ANAPC16: variants seen among roughly 807,000 people sequenced by gnomAD.
ANAPC16 encodes the protein anaphase-promoting complex subunit 16.
In ANAPC16, 6 loss-of-function variants were observed where a neutral mutation model predicts 13.1. The ratio of observed to expected loss-of-function variants is 0.46; its 90% confidence interval spans 0.25 to 0.90. ANAPC16 has a LOEUF of 0.90. Among genes scored for constraint, ANAPC16 ranks in the 40% least tolerant of loss-of-function variants. ANAPC16 has a pLI of 0.18. For missense variants in ANAPC16, 113 were observed against 131.1 expected (o/e 0.86, Z 0.67); for synonymous variants, 55 against 51.3 (o/e 1.07, Z -0.31).
chr10:72,229,664 G>A (rs1029834976), intron 2 of ANAPC16, among the ~76,000 whole-genome samples: 1 of 152,154 alleles, frequency 6.6e-6, no homozygotes, highest in Admixed American at 6.6e-5. Context: ...GCCTGACAAG[G>A]AATAACATGA....
At chr10:72,221,545 T>G (rs1430700879) in intron 1 of ANAPC16, among the ~76,000 whole-genome samples, 1 of 145,944 alleles carries the variant, frequency 6.9e-6, no homozygotes, top group Non-Finnish European at 1.5e-5. Context: ...ATTTTTTCTT[T>G]TCTTTTTTTT....
chr10:72,223,202 A>C (rs1860008644), intron 1 of ANAPC16: 1 of 142,344 alleles, frequency 7.0e-6, no homozygotes, highest in Non-Finnish European at 1.5e-5. Context: ...AGCTGGGATG[A>C]GAGGCGTCCA....
intron 2 of ANAPC16, among the ~76,000 whole-genome samples, chr10:72,228,085 A>G (rs1016371192): frequency 2.0e-5 from 3 of 152,046 alleles, no homozygotes; most frequent in East Asian, 1.9e-4. Flanking sequence ...TGTCAAGAGT[A>G]AGGAACAAAA....
chr10:72,230,236 C>G (rs374464766), intron 2 of ANAPC16, 130 bp from the exon 3 acceptor site: 1 of 621,034 alleles, frequency 1.6e-6, no homozygotes. Flanking sequence ...AAGCAGAACC[C>G]GTCTTTGTAA....
At chr10:72,217,134 G>A (rs1042176380) in intron 1 of ANAPC16, 14 of 443,388 alleles carry the variant, frequency 3.2e-5, no homozygotes, top group Non-Finnish European at 5.4e-5. Flanking sequence ...AGGGTAGAAA[G>A]ACTTTTCGAA....
Position 72,234,672 on chromosome 10 carries a change from T to C in ANAPC16, c.*1556T>C, listed in dbSNP as rs921687400. 1 of 152,228 alleles carries C rather than the reference T, an allele frequency of 6.6e-6. No individual in the cohort carries two copies. Among genetic ancestry groups the C allele is most frequent in the African/African-American group, 2.4e-5 (1 of 41,470 alleles). The allele number at this position is 152,228 out of a possible 1,614,324, so 9.4% of individuals were successfully genotyped here. On this transcript the variant is annotated 3_prime_UTR_variant, in exon 4 of 4. Coordinates refer to ENST00000299381, the MANE Select transcript of ANAPC16 (RefSeq NM_173473.4). The stretch of plus-strand genomic sequence containing the variant: ...TAATCCCAGTAGCATTTAGCCTTAA[T>C]CTCAAGAGTTCAAAATGTTTAACAC...
intron 1 of ANAPC16, among the ~76,000 whole-genome samples, chr10:72,217,573 G>C (rs1165164145): frequency 6.6e-6 from 1 of 151,912 alleles, no homozygotes; most frequent in Non-Finnish European, 1.5e-5. Context: ...GACTCTGTTA[G>C]ATGGAGAGAA....
chr10:72,233,026 A>AG lies in ANAPC16; in HGVS notation c.243_244insG (p.Leu82AlafsTer11), dbSNP rs780751422. 1 of 1,614,144 alleles carries AG rather than the reference A, an allele frequency of 6.2e-7. No individual in the cohort carries two copies. Among genetic ancestry groups the AG allele is most frequent in the Non-Finnish European group, 8.5e-7 (1 of 1,180,014 alleles). On this transcript the variant is annotated frameshift_variant, in exon 4 of 4. Coordinates refer to ENST00000299381, the MANE Select transcript of ANAPC16 (RefSeq NM_173473.4). LOFTEE classifies it high-confidence loss of function. ...ATCAGCAAGTTGCTCGGATGGAAAA[A>AG]CTAGCTGGTTTGGTAGAAGAGCTGG...
chr10:72,218,885 T>G (rs1054722616), intron 1 of ANAPC16, among the ~76,000 whole-genome samples: 1 of 152,196 alleles, frequency 6.6e-6, no homozygotes, highest in Non-Finnish European at 1.5e-5. Context: ...CTGTTTTGTG[T>G]GTGGAACGAT....
At chr10:72,228,455 C>T (rs1327815173) in intron 2 of ANAPC16, among the ~76,000 whole-genome samples, 3 of 152,122 alleles carry the variant, frequency 2.0e-5, no homozygotes, top group African/African-American at 7.2e-5. Context: ...GTATTTGTTA[C>T]CATCCTTATT....
chr10:72,231,037 G>A (rs912556895), intron 3 of ANAPC16, among the ~76,000 whole-genome samples: 4 of 152,154 alleles, frequency 2.6e-5, no homozygotes, highest in Non-Finnish European at 1.5e-5. Flanking sequence ...CTCCTGGTCT[G>A]TCTATACTCT....
In ANAPC16 at chr10:72,234,518, T is replaced by G. The variant is rs1352652515; in HGVS notation, c.*1402T>G. 2.0e-5 allele frequency: 3 copies of G among 152,180 alleles called. No individual in the cohort carries two copies. The highest frequency in any genetic ancestry group is 4.1e-4 in the South Asian group (2 of 4,832). The allele number at this position is 152,180 out of a possible 1,614,324, so 9.4% of individuals were successfully genotyped here. The stretch of plus-strand genomic sequence containing the variant: ...TGTTTTCCTTCATGGGACCCCACTT[T>G]CCACAGTAAACAACTGGTATAATCA... On this transcript the variant is annotated 3_prime_UTR_variant, in exon 4 of 4. Transcript: ENST00000299381.
At chr10:72,226,286 TATG>T (rs936165461) in intron 2 of ANAPC16, among the ~76,000 whole-genome samples, 6 of 152,092 alleles carry the variant, frequency 3.9e-5, no homozygotes, top group Admixed American at 3.9e-4. Flanking sequence ...CCCAAAGTGC[TATG>T]ATTACAGGCA....
rs73276925 is a variant in ANAPC16, at chr10:72,223,666, A to G, written c.-27-222A>G. ...AACAGTTCGCTAATGGTAGGAATTC[A>G]TGTTTTAAGTAGATATACTATTCTT... On this transcript the variant is annotated intron_variant, in intron 1 of 3. Transcript: ENST00000299381. 254 of 342,258 alleles carry G rather than the reference A, an allele frequency of 7.4e-4. 1 individual carries two copies. The highest frequency in any genetic ancestry group is 5.1e-3 in the African/African-American group (242 of 47,548). 21.2% of individuals were successfully genotyped at this position (342,258 alleles called of 1,614,324 possible).
chr10:72,221,361 A>C (rs901455543), intron 1 of ANAPC16, among the ~76,000 whole-genome samples: 56 of 152,116 alleles, frequency 3.7e-4, no homozygotes, highest in Non-Finnish European at 6.0e-4. Flanking sequence ...CAATAGCCAC[A>C]TGTGGCTACT....
chr10:72,227,113 A>G (rs1463015476), intron 2 of ANAPC16, among the ~76,000 whole-genome samples: 1 of 152,252 alleles, frequency 6.6e-6, no homozygotes, highest in Admixed American at 6.5e-5. Context: ...TGAGTTTTAT[A>G]GCAGCAGAAG....
chr10:72,223,936 T>G lies in ANAPC16; in HGVS notation c.22T>G (p.Ser8Ala), dbSNP rs768147266. MAASSSS[S>A]SAGGVSGSSV... is the part of the protein sequence containing the mutation. The stretch of plus-strand genomic sequence containing the variant: ...GGAAATGGCTGCTTCATCATCATCC[T>G]CCTCAGCTGGTGGGGTCAGTGGAAG... Residue 8 changes from serine (S) to alanine (A), a missense_variant, in exon 2 of 4, where the codon TCC becomes GCC. Ser to Ala is a moderately conservative substitution (Grantham distance 99). Coordinates refer to ENST00000299381, the MANE Select transcript of ANAPC16 (RefSeq NM_173473.4). 1 of 1,606,726 alleles carries G rather than the reference T, an allele frequency of 6.2e-7. No homozygotes were observed. Among genetic ancestry groups the G allele is most frequent in the South Asian group, 1.1e-5 (1 of 90,632 alleles).
Position 72,233,351 on chromosome 10 carries a change from A to T in ANAPC16, c.*235A>T. On this transcript the variant is annotated 3_prime_UTR_variant, in exon 4 of 4. Coordinates refer to ENST00000299381, the MANE Select transcript of ANAPC16 (RefSeq NM_173473.4). ...TATTGGGAATCAGATTAAGACAATC[A>T]GTTTCAGAGAACCAGGAGGTTTGGG... The T allele has an allele frequency of 4.7e-6, 2 of 428,280 alleles. No homozygotes were observed. The highest frequency in any genetic ancestry group is 8.5e-6 in the Non-Finnish European group (2 of 235,044). 26.5% of individuals were successfully genotyped at this position (428,280 alleles called of 1,614,324 possible).
chr10:72,226,452 T>C (rs1307754942), intron 2 of ANAPC16, among the ~76,000 whole-genome samples: 1 of 152,012 alleles, frequency 6.6e-6, no homozygotes, highest in African/African-American at 2.4e-5. Flanking sequence ...GGCAGGCAGA[T>C]TGCTTGAACC....
Sources: gnomAD v4.1 joint callset for allele counts (sites outside exome capture counted in the v4.1 genomes callset) on GRCh38, gnomAD v4.1.1 for gene constraint, MANE v1.5 for transcripts, NCBI Gene and HGNC (gene_info 2026-07-23, HGNC 2026-07-21) for gene names.